Variants in LIMS2 observed in about 807,000 individuals in gnomAD.
LIMS2 encodes the protein LIM and senescent cell antigen-like-containing domain protein 2.
In LIMS2, 30 loss-of-function variants were observed where a neutral mutation model predicts 45.3. The observed-to-expected ratio is 0.66, with a 90% CI of 0.50 to 0.90. The LOEUF (loss-of-function observed/expected upper bound fraction) is 0.90, where lower values mean the gene tolerates loss of function less well. Ranked by LOEUF, LIMS2 falls within the 40% of genes least tolerant of loss-of-function variation. The pLI, the probability that LIMS2 is intolerant of heterozygous loss-of-function variation, is 0.00. For missense variants in LIMS2, 485 were observed against 468.7 expected, an observed-to-expected ratio of 1.03 and a Z score of -0.32; for synonymous variants, 173 against 188.0, an observed-to-expected ratio of 0.92 and a Z score of 0.65.
intron 2 of LIMS2, chr2:127,655,324 G>A (rs1471010180): frequency 1.7e-5 from 4 of 230,620 alleles, no homozygotes; most frequent in Admixed American, 1.0e-4. Flanking sequence ...CCGGGTATAG[G>A]AGACAGAAGG....
intron 1 of LIMS2, among the ~76,000 whole-genome samples, chr2:127,658,387 A>T (rs953282371): frequency 6.6e-6 from 1 of 152,196 alleles, no homozygotes; most frequent in African/African-American, 2.4e-5. Context: ...CCTGTCTCAA[A>T]ATAAAAAATA....
Position 127,642,812 on chromosome 2 carries a change from T to G in LIMS2, c.509+111A>C. On this transcript the variant is annotated intron_variant, in intron 5 of 9. Transcript: ENST00000355119. The surrounding 1 kb of genome is among the most constrained non-coding windows in gnomAD (Gnocchi z 5.3). ...TCGGGACCCCTCTGTCTGCCCACCC[T>G]GCTCCCCTCTCCCTCCTCAACACTT... 1 of 1,251,396 alleles carries G rather than the reference T, an allele frequency of 8.0e-7. No homozygotes were observed. Among genetic ancestry groups the G allele is most frequent in the Non-Finnish European group, 1.1e-6 (1 of 911,208 alleles). The allele number at this position is 1,251,396 out of a possible 1,614,324, so 77.5% of individuals were successfully genotyped here. A position where few individuals can be genotyped will look rare whatever the true frequency, so the allele number is the denominator to read the frequency against.
intron 1 of LIMS2, chr2:127,673,571 C>G: frequency 2.6e-6 from 3 of 1,171,144 alleles, no homozygotes; most frequent in South Asian, 2.7e-5. Context: ...AGGACCCTTG[C>G]CAGGGAGCAG....
At chr2:127,640,174 C>G in intron 8 of LIMS2, 29 bp from the exon 9 acceptor site, 1 of 1,612,866 alleles carries the variant, frequency 6.2e-7, no homozygotes, top group Non-Finnish European at 8.5e-7. Flanking sequence ...ACTCAGCAGG[C>G]CTGGCTAGGC....
At chr2:127,680,142 A>AC (rs1186755174), upstream of LIMS2, among the ~76,000 whole-genome samples, 3 of 151,736 alleles carry the variant, frequency 2.0e-5, no homozygotes, top group Admixed American at 6.6e-5. Flanking sequence ...GGCTGTGAGA[A>AC]CCCCCCGGGG....
chr2:127,650,635 A>G, intron 4 of LIMS2: 2 of 962,110 alleles, frequency 2.1e-6, no homozygotes, highest in South Asian at 3.1e-5. Flanking sequence ...AAGGCATTGG[A>G]GGCCTGACTT....
At chr2:127,654,589 CCCCTCTTCGGA>C (rs1431473493) in intron 3 of LIMS2, 45 bp from the exon 4 acceptor site, 2 of 1,613,048 alleles carry the variant, frequency 1.2e-6, no homozygotes, top group African/African-American at 2.7e-5. Context: ...ACGTGCCTGT[CCCCTCTTCGGA>C]CCCTCCCAAG....
intron 1 of LIMS2, among the ~76,000 whole-genome samples, chr2:127,661,041 A>C (rs1289135539): frequency 6.6e-6 from 1 of 152,218 alleles, no homozygotes; most frequent in Admixed American, 6.5e-5. Context: ...CTGCTCCAAG[A>C]GCAAAGACGG....
rs541245990 is a variant in LIMS2, at chr2:127,669,108, A to G, written c.11+5906T>C. Among the ~76,000 whole-genome samples the G allele has an allele frequency of 2.0e-5, 3 of 152,196 alleles. No homozygotes were observed. In the East Asian group the frequency reaches 5.8e-4, roughly 29 times the overall value. On this transcript the variant is annotated intron_variant, in intron 1 of 9. Transcript: ENST00000355119. ...ACCCTGTCTCGAGAGTCCAAAAATA[A>G]TCCCATATATTTGTGGTCAACTGAT...
chr2:127,651,540 T>C (rs931128407), intron 4 of LIMS2: 4 of 1,612,528 alleles, frequency 2.5e-6, no homozygotes, highest in Non-Finnish European at 3.4e-6. Flanking sequence ...TGGGGCCTCC[T>C]GCGCCACCCA....
At chr2:127,666,664 G>T (rs775632189) in intron 1 of LIMS2, among the ~76,000 whole-genome samples, 1 of 143,270 alleles carries the variant, frequency 7.0e-6, no homozygotes, top group Non-Finnish European at 1.5e-5. Context: ...AGAACTTCAT[G>T]AGACTCGGTA....
At chr2:127,673,095 T>G (rs34967118) in intron 1 of LIMS2, among the ~76,000 whole-genome samples, 47,421 of 152,016 alleles carry the variant, frequency 0.31, 7,664 homozygotes, top group Middle Eastern at 0.44. Flanking sequence ...CCAATCCCTG[T>G]GTATGGAAGG....
intron 2 of LIMS2, among the ~76,000 whole-genome samples, chr2:127,656,961 G>A (rs559518065): frequency 3.3e-5 from 5 of 152,298 alleles, no homozygotes; most frequent in South Asian, 2.1e-4. Flanking sequence ...CATATGCGGT[G>A]CCCTCTGCCC....
rs1173654336 is a variant in LIMS2, at chr2:127,653,194, C to T, written c.359+1230G>A. Among the ~76,000 whole-genome samples the T allele has an allele frequency of 6.6e-6, 1 of 152,230 alleles. No homozygotes were observed. The highest frequency in any genetic ancestry group is 6.5e-5 in the Admixed American group (1 of 15,286). On this transcript the variant is annotated intron_variant, in intron 4 of 9. Transcript: ENST00000355119. The surrounding 1 kb of genome is among the most constrained non-coding windows in gnomAD (Gnocchi z 5.3). Reference sequence around the variant, plus strand: ...CTCACGGGCAGCACACGGACAAGAGCTCGGTAGTGTCGGGGAAGCATCTCG... The same window carrying T: ...CTCACGGGCAGCACACGGACAAGAGTTCGGTAGTGTCGGGGAAGCATCTCG...
intron 4 of LIMS2, among the ~76,000 whole-genome samples, chr2:127,652,794 T>A (rs1683941590): frequency 6.6e-6 from 1 of 152,216 alleles, no homozygotes; most frequent in East Asian, 1.9e-4. Context: ...TCTGAGGTTC[T>A]GCACTGTGGG....
At chr2:127,650,309 G>A in intron 4 of LIMS2, 1 of 569,180 alleles carries the variant, frequency 1.8e-6, no homozygotes, top group East Asian at 3.0e-5. Context: ...GAGACACACT[G>A]CCCCCGCCCC....
upstream of LIMS2, among the ~76,000 whole-genome samples, chr2:127,679,280 G>A (rs1383353887): frequency 6.6e-6 from 1 of 152,136 alleles, no homozygotes; most frequent in Non-Finnish European, 1.5e-5. The surrounding 1 kb of genome is among the most constrained non-coding windows in gnomAD (Gnocchi z 5.3). Context: ...TGCCCCTGGG[G>A]GGAGAATGCT....
At chr2:127,676,076 TCAAA>T (rs764012578), upstream of LIMS2, among the ~76,000 whole-genome samples, 1 of 152,150 alleles carries the variant, frequency 6.6e-6, no homozygotes, top group East Asian at 1.9e-4. Flanking sequence ...GAGGAAATTT[TCAAA>T]CAAACAAAAC....
chr2:127,654,759 C>G, intron 3 of LIMS2, 71 bp downstream of exon 3: 1 of 1,540,398 alleles, frequency 6.5e-7, no homozygotes, highest in Non-Finnish European at 9.0e-7. Context: ...TGTACCCCCT[C>G]GGCCCCCTGC....
Sources: gnomAD v4.1 joint callset for allele counts (sites outside exome capture counted in the v4.1 genomes callset) on GRCh38, gnomAD v4.1.1 for gene constraint, Gnocchi (gnomAD v3.1) non-coding constraint, MANE v1.5 for transcripts, NCBI Gene and HGNC (gene_info 2026-07-23, HGNC 2026-07-21) for gene names.